GRAMD4: variants seen among roughly 807,000 people sequenced by gnomAD.
The protein encoded by GRAMD4 is GRAM domain-containing protein 4.
A neutral mutation model predicts 83.9 loss-of-function variants in GRAMD4; 25 were observed. The observed-to-expected ratio is 0.30, with a 90% CI of 0.22 to 0.42. The LOEUF (loss-of-function observed/expected upper bound fraction) is 0.42. GRAMD4 is among the 10% of genes least tolerant of loss of function. GRAMD4 has a pLI of 1.00. For synonymous variants in GRAMD4, 336 were observed against 320.9 expected (o/e 1.05, Z -0.50); for missense variants, 593 against 788.7 (o/e 0.75, Z 2.97).
In GRAMD4 at chr22:46,588,041, G is replaced by A. The variant is rs1443375148; in HGVS notation, c.-50+10751G>A. ...TGGTGTCTACTTGGCTCTAGATGTC[G>A]GGTTTAGAGAGAGACTCTGGGACAG... On this transcript the variant is annotated intron_variant, in intron 1 of 1. Coordinates refer to the GRAMD4 transcript ENST00000431155. 16 of 746,222 alleles carry A rather than the reference G, an allele frequency of 2.1e-5. No homozygotes were observed. The Admixed American group carries it at 5.6e-4, about 26-fold the overall frequency. The allele number at this position is 746,222 out of a possible 1,614,324, so 46.2% of individuals were successfully genotyped here.
At chr22:46,615,020 T>C (rs915231536) in intron 1 of GRAMD4, among the ~76,000 whole-genome samples, 3 of 100,346 alleles carry the variant, frequency 3.0e-5, no homozygotes, top group Non-Finnish European at 4.2e-5. Flanking sequence ...CCTGTGCGTG[T>C]GGGTTCCCCC....
At chr22:46,661,515 G>T (rs558747912) in intron 5 of GRAMD4, 73 bp downstream of exon 5, 3 of 1,091,880 alleles carry the variant, frequency 2.7e-6, no homozygotes, top group South Asian at 2.5e-5. Context: ...GGTTCTGTAG[G>T]CCCAGGTTAA....
At chr22:46,663,209 G>T (rs748938665) in intron 6 of GRAMD4, 37 bp downstream of exon 6, 1 of 1,594,416 alleles carries the variant, frequency 6.3e-7, no homozygotes, top group South Asian at 1.1e-5. Context: ...CTGTGCGTTA[G>T]GGGCCCCGGT....
At chr22:46,651,454 C>T (rs73469169) in intron 3 of GRAMD4, among the ~76,000 whole-genome samples, 1,528 of 152,322 alleles carry the variant, frequency 0.01, 28 homozygotes, top group African/African-American at 0.035. Flanking sequence ...TCTGATGTTG[C>T]GGGCCACGGC....
intron 13 of GRAMD4, chr22:46,671,212 C>T (rs1357060646): frequency 2.7e-6 from 1 of 377,092 alleles, no homozygotes; most frequent in Non-Finnish European, 6.0e-6. Context: ...GGGGGTGGTC[C>T]TGGCCCTGCC....
intron 2 of GRAMD4, among the ~76,000 whole-genome samples, chr22:46,634,112 A>G (rs2081821423): frequency 6.6e-6 from 1 of 152,214 alleles, no homozygotes; most frequent in Non-Finnish European, 1.5e-5. Context: ...GAGTAAGTGA[A>G]GTATTTGGAA....
chr22:46,627,071 A>T, intron 2 of GRAMD4, 110 bp downstream of exon 2: 2 of 758,072 alleles, frequency 2.6e-6, no homozygotes, highest in Non-Finnish European at 4.5e-6. Flanking sequence ...TGCTGGTCAG[A>T]GATGGACTGG....
chr22:46,653,187 C>T (rs1002809376), intron 3 of GRAMD4, among the ~76,000 whole-genome samples: 3 of 152,244 alleles, frequency 2.0e-5, no homozygotes, highest in Non-Finnish European at 4.4e-5. Flanking sequence ...GCTGATTTGC[C>T]ACGCTGTCCG....
intron 5 of GRAMD4, among the ~76,000 whole-genome samples, 187 bp from the exon 6 acceptor site, chr22:46,662,853 G>A (rs1362513131): frequency 3.9e-5 from 6 of 152,176 alleles, no homozygotes; most frequent in Non-Finnish European, 8.8e-5. Flanking sequence ...GTCTTCAGAG[G>A]ACTGAGCCCT....
intron 5 of GRAMD4, 134 bp from the exon 6 acceptor site, chr22:46,662,906 C>T: frequency 2.7e-6 from 2 of 741,928 alleles, no homozygotes; most frequent in Non-Finnish European, 4.3e-6. Context: ...CCTGACCTAC[C>T]CCCGAGCATT....
intron 1 of GRAMD4, among the ~76,000 whole-genome samples, chr22:46,591,190 G>T (rs5769001): frequency 0.49 from 74,704 of 152,100 alleles, 20,401 homozygotes; most frequent in African/African-American, 0.75. Context: ...GAAATCTCTC[G>T]TTATCTTAAA....
intron 5 of GRAMD4, among the ~76,000 whole-genome samples, chr22:46,662,682 C>T (rs900674098): frequency 1.3e-5 from 2 of 152,140 alleles, no homozygotes; most frequent in Non-Finnish European, 1.5e-5. Flanking sequence ...TTGATGCAGA[C>T]GTCTGAGGTG....
rs117694951 is a variant in GRAMD4 at position 46,652,768 on chromosome 22, G to A, written c.284-5419G>A. ...CGGGGCTGGACGAGAGGAATCTGCCGTGTGAATAGCAGCTCAGTAGTTTGC... is the reference window on the plus strand; with the variant it reads ...CGGGGCTGGACGAGAGGAATCTGCCATGTGAATAGCAGCTCAGTAGTTTGC... On this transcript the variant is annotated intron_variant, in intron 3 of 18. Transcript: ENST00000406902. Among the ~76,000 whole-genome samples the A allele has an allele frequency of 1.4e-4, 21 of 152,362 alleles. No homozygotes were observed. The East Asian group carries it at 1.7e-3, about 13-fold the overall frequency.
At chr22:46,614,286 TGCCACTCGGG>T (rs568572670) in intron 1 of GRAMD4, among the ~76,000 whole-genome samples, 75 of 152,330 alleles carry the variant, frequency 4.9e-4, no homozygotes, top group African/African-American at 1.7e-3. Context: ...GGGGCGCTGC[TGCCACTCGGG>T]GCCTCACTTC....
chr22:46,589,171 G>A (rs5768997), intron 1 of GRAMD4, among the ~76,000 whole-genome samples: 73,301 of 151,034 alleles, frequency 0.49, 19,608 homozygotes, highest in African/African-American at 0.73. Context: ...CCCTGGCTCA[G>A]TGTCCTTGTC....
chr22:46,620,277 C>A (rs1374654730), upstream of GRAMD4: 3 of 984,226 alleles, frequency 3.0e-6, no homozygotes, highest in Non-Finnish European at 3.6e-6. The surrounding 1 kb of genome is among the most constrained non-coding windows in gnomAD (Gnocchi z 4.7). Context: ...TGGCCCAATT[C>A]CGTCCTGCTT....
chr22:46,668,768 C>T (rs9616088), intron 12 of GRAMD4, 31 bp from the exon 13 acceptor site: 585,829 of 1,440,276 alleles, frequency 0.41, 113,325 homozygotes, highest in Middle Eastern at 0.51. Flanking sequence ...CTGCGGCGCC[C>T]GCCCGGCCTG....
chr22:46,610,445 C>T (rs1016202085), intron 1 of GRAMD4, among the ~76,000 whole-genome samples: 48 of 152,218 alleles, frequency 3.2e-4, no homozygotes, highest in Non-Finnish European at 4.7e-4. Context: ...TGTACACAGC[C>T]GTGCCCATTT....
chr22:46,577,298 G>C, intron 1 of GRAMD4: 1 of 979,886 alleles, frequency 1.0e-6, no homozygotes, highest in Non-Finnish European at 1.2e-6. Context: ...AGGGTAAGCG[G>C]CGCGCGCGGA....
Sources: gnomAD v4.1 joint callset for allele counts (sites outside exome capture counted in the v4.1 genomes callset) on GRCh38, gnomAD v4.1.1 for gene constraint, Gnocchi (gnomAD v3.1) non-coding constraint, MANE v1.5 for transcripts, NCBI Gene and HGNC (gene_info 2026-07-23, HGNC 2026-07-21) for gene names.